DENND1A: variants seen among roughly 807,000 people sequenced by gnomAD.
The protein encoded by DENND1A is DENN domain containing 1A.
In DENND1A, 51 loss-of-function variants were observed where a neutral mutation model predicts 113.7. The observed-to-expected ratio is 0.45, with a 90% CI of 0.36 to 0.57. The LOEUF is 0.57. Among genes scored for constraint, DENND1A ranks in the 20% least tolerant of loss-of-function variants. The probability of loss-of-function intolerance (pLI) is 0.00; values close to 1 mark genes in which losing one functional copy is unlikely to be tolerated. For synonymous variants in DENND1A, 565 were observed against 570.8 expected (o/e 0.99, Z 0.14); for missense variants, 1,258 against 1,395.9 (o/e 0.90, Z 1.57).
rs567848563 is a variant in DENND1A, at chr9:123,462,594, C to T, written c.994-4697G>A. ...GGCGGATCACCTGTGGTCAGGAGTT[C>T]GAGACCAGCTTGATCAACATGGTGA... On this transcript the variant is annotated intron_variant, in intron 13 of 23. Coordinates refer to ENST00000394215, the MANE Select transcript of DENND1A (RefSeq NM_001352964.2). Among the ~76,000 whole-genome samples the T allele has an allele frequency of 2.0e-4, 31 of 152,178 alleles. 1 individual carries two copies. The highest frequency in any genetic ancestry group is 1.5e-3 in the South Asian group (7 of 4,808).
intron 9 of DENND1A, among the ~76,000 whole-genome samples, chr9:123,639,841 TA>T (rs2061935173): frequency 6.6e-6 from 1 of 151,668 alleles, no homozygotes; most frequent in Admixed American, 6.6e-5. Context: ...GAATTCACAT[TA>T]CTATCTGCCA....
chr9:123,659,407 C>T (rs757537379), intron 8 of DENND1A, among the ~76,000 whole-genome samples: 34 of 152,088 alleles, frequency 2.2e-4, no homozygotes, highest in Admixed American at 4.6e-4. Flanking sequence ...GAAATATATG[C>T]CCCATAAAAG....
intron 20 of DENND1A, 41 bp from the exon 21 acceptor site, chr9:123,403,531 T>A: frequency 6.3e-7 from 1 of 1,577,924 alleles, no homozygotes; most frequent in South Asian, 1.1e-5. Flanking sequence ...AAGGAGTGAG[T>A]TGGAAAAGCC....
rs191338800 is a variant in DENND1A at position 123,828,715 on chromosome 9, A to C, written c.89-36085T>G. 4.0e-4 allele frequency among the ~76,000 whole-genome samples: 61 copies of C among 152,230 alleles called. 1 individual carries two copies. The highest frequency in any genetic ancestry group is 7.4e-5 in the Non-Finnish European group (5 of 68,000). On this transcript the variant is annotated intron_variant, in intron 2 of 23. Coordinates refer to ENST00000394215, the MANE Select transcript of DENND1A (RefSeq NM_001352964.2). ...TACAGATGACTTTCCAGCAGAAACA[A>C]TGTAAGCCAGAAGACAATGAGATGA...
intron 2 of DENND1A, among the ~76,000 whole-genome samples, chr9:123,810,685 C>G (rs945642344): frequency 6.6e-6 from 1 of 151,822 alleles, no homozygotes; most frequent in African/African-American, 2.4e-5. Flanking sequence ...CACATACAGC[C>G]CCAGGCCATG....
At chr9:123,464,293 A>G (rs2048761662) in intron 13 of DENND1A, among the ~76,000 whole-genome samples, 2 of 152,244 alleles carry the variant, frequency 1.3e-5, no homozygotes, top group Non-Finnish European at 2.9e-5. Context: ...CATTATGTTC[A>G]TAGCAGCTCT....
At chr9:123,536,849 AC>A (rs1221093565) in intron 13 of DENND1A, among the ~76,000 whole-genome samples, 3 of 152,206 alleles carry the variant, frequency 2.0e-5, no homozygotes, top group African/African-American at 7.2e-5. Context: ...ATTATTGACC[AC>A]CACCAAAAAC....
intron 10 of DENND1A, among the ~76,000 whole-genome samples, chr9:123,612,534 GT>G (rs1417067190): frequency 1.3e-5 from 2 of 152,054 alleles, no homozygotes; most frequent in Non-Finnish European, 2.9e-5. Flanking sequence ...TGCATACATT[GT>G]TTTATTTTCT....
At chr9:123,538,617 T>C (rs973996985) in intron 13 of DENND1A, among the ~76,000 whole-genome samples, 14 of 151,482 alleles carry the variant, frequency 9.2e-5, no homozygotes, top group Admixed American at 3.9e-4. Context: ...TGACCAAAGA[T>C]GGGAGGGTTT....
chr9:123,710,339 AAG>A (rs532152987), intron 5 of DENND1A, among the ~76,000 whole-genome samples: 2 of 152,336 alleles, frequency 1.3e-5, no homozygotes, highest in South Asian at 4.1e-4. Flanking sequence ...ACCATGTAAT[AAG>A]AGTTTTGAAG....
At chr9:123,615,306 C>T (rs1280657939) in intron 10 of DENND1A, among the ~76,000 whole-genome samples, 2 of 152,222 alleles carry the variant, frequency 1.3e-5, no homozygotes, top group African/African-American at 2.4e-5. Flanking sequence ...ATTCATCTGA[C>T]GTCACACAGC....
At chr9:123,488,426 C>T (rs976315877) in intron 13 of DENND1A, among the ~76,000 whole-genome samples, 2 of 152,206 alleles carry the variant, frequency 1.3e-5, no homozygotes, top group Non-Finnish European at 2.9e-5. Flanking sequence ...GAGACAGATC[C>T]CAATGAGGGA....
At chr9:123,554,493 A>T (rs996291265) in intron 13 of DENND1A, among the ~76,000 whole-genome samples, 3 of 152,214 alleles carry the variant, frequency 2.0e-5, no homozygotes, top group Non-Finnish European at 2.9e-5. Flanking sequence ...ATGTTGTTAC[A>T]TCATATTTTA....
intron 5 of DENND1A, among the ~76,000 whole-genome samples, chr9:123,743,586 G>A (rs926588438): frequency 2.6e-5 from 4 of 151,570 alleles, no homozygotes; most frequent in Non-Finnish European, 4.4e-5. Flanking sequence ...ACAAAACTTA[G>A]CTGAGCATGG....
intron 21 of DENND1A, among the ~76,000 whole-genome samples, chr9:123,398,787 C>A (rs1223043123): frequency 6.6e-6 from 1 of 151,008 alleles, no homozygotes; most frequent in Non-Finnish European, 1.5e-5. Flanking sequence ...ATGGAAACCA[C>A]CACACAGCAT....
At chr9:123,671,142 G>T in intron 7 of DENND1A, 149 bp downstream of exon 7, 1 of 855,154 alleles carries the variant, frequency 1.2e-6, no homozygotes, top group Non-Finnish European at 1.9e-6. Context: ...CTACTCTCTG[G>T]CCTATCTTGA....
rs563408685 is a variant in DENND1A at position 123,395,957 on chromosome 9, TCA to T, written c.1631+7443_1631+7444del. Among the ~76,000 whole-genome samples, 57 of 151,598 alleles carry T rather than the reference TCA, an allele frequency of 3.8e-4. 1 individual carries two copies. The highest frequency in any genetic ancestry group is 8.0e-4 in the Non-Finnish European group (54 of 67,866). ...TGGAGAGTCAAAGCTGAGGAAGAGC[TCA>T]CAGACTACTGGTGTGCCTGGTGTGT... On this transcript the variant is annotated intron_variant, in intron 21 of 23. Transcript: ENST00000394215.
At chr9:123,589,367 A>T (rs916098529) in intron 11 of DENND1A, among the ~76,000 whole-genome samples, 2 of 151,960 alleles carry the variant, frequency 1.3e-5, no homozygotes, top group Non-Finnish European at 2.9e-5. Flanking sequence ...TTTGAGAGAG[A>T]TATCTTTACT....
chr9:123,779,374 C>T (rs1830908802), intron 3 of DENND1A, among the ~76,000 whole-genome samples: 1 of 152,214 alleles, frequency 6.6e-6, no homozygotes, highest in African/African-American at 2.4e-5. Context: ...TCTCTGCGTC[C>T]TCCTCTATTA....
Sources: allele counts gnomAD v4.1 joint callset (sites outside exome capture counted in the v4.1 genomes callset), GRCh38; gene constraint gnomAD v4.1.1; transcripts MANE v1.5; gene names NCBI Gene and HGNC (gene_info 2026-07-23, HGNC 2026-07-21).